Variants in SLA observed in about 807,000 individuals in gnomAD.
SLA encodes src-like-adapter.
A neutral mutation model predicts 30.3 loss-of-function variants in SLA; 16 were observed. That is an observed-to-expected ratio of 0.53 (90% confidence interval 0.36 to 0.80). The LOEUF (loss-of-function observed/expected upper bound fraction) is 0.80. Among genes scored for constraint, SLA ranks in the 30% least tolerant of loss-of-function variants. The probability of loss-of-function intolerance (pLI) is 0.01; values close to 1 mark genes in which losing one functional copy is unlikely to be tolerated. For missense variants in SLA, 310 were observed against 345.2 expected (o/e 0.90, Z 0.81); for synonymous variants, 143 against 137.8 (o/e 1.04, Z -0.26).
At position 133,049,913 on chromosome 8, in the gene SLA, T is replaced by C; in HGVS notation, c.237A>G (p.Arg79=). 6.2e-7 allele frequency: 1 copy of C among 1,609,422 alleles called. No homozygotes were observed. The highest frequency in any genetic ancestry group is 8.5e-7 in the Non-Finnish European group (1 of 1,175,666). Reference sequence around the variant, plus strand: ...AGAAATGTACTCACCCATGGTAAACTCTGGCCACACATATTCCAGGGATGT... The same window carrying C: ...AGAAATGTACTCACCCATGGTAAACCCTGGCCACACATATTCCAGGGATGT... ...ESYIPGICVA[R]VYHGWLFEGL... The change falls in exon 5 of 9, where the codon AGA becomes AGG. Residue 79 remains arginine, a synonymous_variant. Transcript: ENST00000338087.
At chr8:133,090,378 C>T (rs1283107402) in intron 1 of SLA, among the ~76,000 whole-genome samples, 1 of 152,140 alleles carries the variant, frequency 6.6e-6, no homozygotes. Context: ...ATAGTCCTTC[C>T]TACCTGATTT....
chr8:133,075,147 G>T lies in SLA; in HGVS notation c.-318-17C>A. 2.0e-6 allele frequency: 2 copies of T among 984,812 alleles called. No homozygotes were observed. The highest frequency in any genetic ancestry group is 2.4e-6 in the Non-Finnish European group (2 of 829,356). The allele number at this position is 984,812 out of a possible 1,614,324, so 61.0% of individuals were successfully genotyped here. A position where few individuals can be genotyped will look rare whatever the true frequency, so the allele number is the denominator to read the frequency against. Reference sequence around the variant, plus strand: ...CTGCAAGGACTGGGAAGATAGATGGGTTATTAATTTTTTTACAAAGCATTT... The same window carrying T: ...CTGCAAGGACTGGGAAGATAGATGGTTTATTAATTTTTTTACAAAGCATTT... On this transcript the variant is annotated splice_polypyrimidine_tract_variant and intron_variant, in intron 1 of 8. Transcript: ENST00000338087.
Position 133,071,288 on chromosome 8 carries a change from A to C in SLA, c.-41+3565T>G, listed in dbSNP as rs374136794. ...GTCTAACCGGGGAAACCAAGGCCAG[A>C]GCATTCACATAATGTGTCGGAGTTT... On this transcript the variant is annotated intron_variant, in intron 2 of 8. Coordinates refer to ENST00000338087, the MANE Select transcript of SLA (RefSeq NM_001045556.3). 6.6e-5 allele frequency among the ~76,000 whole-genome samples: 10 copies of C among 152,328 alleles called. No homozygotes were observed. In the South Asian group the frequency reaches 1.2e-3, roughly 19 times the overall value.
chr8:133,096,496 A>T (rs1266207646), intron 1 of SLA: 2 of 1,223,774 alleles, frequency 1.6e-6, no homozygotes, highest in Admixed American at 1.9e-5. Flanking sequence ...TGCAATGCCT[A>T]TGTGAGTTTA....
In SLA at chr8:133,050,927, A is replaced by G; in HGVS notation, c.62-12T>C. ...GTCGCTATCCAGTCCTGGGGAAACA[A>G]AGGCAAGGGGGAAGGGGGCAAGGTG... is the stretch of plus-strand genomic sequence containing the variant. On this transcript the variant is annotated splice_polypyrimidine_tract_variant and intron_variant, in intron 3 of 8. Transcript: ENST00000338087. 1 of 1,564,572 alleles carries G rather than the reference A, an allele frequency of 6.4e-7. No individual in the cohort carries two copies. The highest frequency in any genetic ancestry group is 8.8e-7 in the Non-Finnish European group (1 of 1,134,970).
intron 1 of SLA, among the ~76,000 whole-genome samples, chr8:133,075,558 G>A (rs1263537451): frequency 6.6e-6 from 1 of 152,214 alleles, no homozygotes; most frequent in Non-Finnish European, 1.5e-5. Context: ...GGTAATAATA[G>A]TGTGGTTATG....
At position 133,061,838 on chromosome 8, in the gene SLA, C is replaced by T. The variant is rs143018932; in HGVS notation, c.-40-1638G>A. Among the ~76,000 whole-genome samples the T allele has an allele frequency of 1.5e-3, 230 of 152,248 alleles. 1 individual carries two copies. Among genetic ancestry groups the T allele is most frequent in the African/African-American group, 5.2e-3 (214 of 41,524 alleles). ...TACACTCTCAGAGCAAGGCCCTCCCCGGGTTGAGGGAGGTCTGCACTGCTC... is the reference window on the plus strand; with the variant it reads ...TACACTCTCAGAGCAAGGCCCTCCCTGGGTTGAGGGAGGTCTGCACTGCTC... On this transcript the variant is annotated intron_variant, in intron 2 of 8. Coordinates refer to ENST00000338087, the MANE Select transcript of SLA (RefSeq NM_001045556.3).
At chr8:133,101,472 G>A (rs575449268) in intron 1 of SLA, among the ~76,000 whole-genome samples, 3 of 152,294 alleles carry the variant, frequency 2.0e-5, no homozygotes, top group East Asian at 1.9e-4. Context: ...GGCAGGTTCT[G>A]GAGGGCCTCA....
chr8:133,060,003 C>T, intron 3 of SLA, 97 bp downstream of exon 3: 1 of 1,257,782 alleles, frequency 8.0e-7, no homozygotes, highest in Non-Finnish European at 1.1e-6. Flanking sequence ...TACCCATTGC[C>T]CCATTTAAGT....
intron 1 of SLA, among the ~76,000 whole-genome samples, chr8:133,088,486 C>A (rs1227229873): frequency 6.6e-6 from 1 of 152,216 alleles, no homozygotes; most frequent in East Asian, 1.9e-4. Flanking sequence ...CCTACCCACT[C>A]CAAGCCTCAG....
chr8:133,075,407 GGAGACTAAAGA>G (rs1226208641), intron 1 of SLA, among the ~76,000 whole-genome samples: 8 of 152,040 alleles, frequency 5.3e-5, no homozygotes, highest in Admixed American at 5.2e-4. Flanking sequence ...TGAGATTAAA[GGAGACTAAAGA>G]GACACAATGA....
intron 1 of SLA, chr8:133,087,832 C>G (rs1429598689): frequency 6.6e-6 from 1 of 152,110 alleles, no homozygotes; most frequent in African/African-American, 2.4e-5. Context: ...GTCACGTGAC[C>G]TCCTCCAGCT....
At chr8:133,055,673 T>C (rs1451681623) in intron 3 of SLA, among the ~76,000 whole-genome samples, 1 of 152,206 alleles carries the variant, frequency 6.6e-6, no homozygotes, top group Non-Finnish European at 1.5e-5. Flanking sequence ...TAGAGGGATA[T>C]AGGCAGGGCT....
At chr8:133,085,806 T>A (rs755200734) in intron 1 of SLA, among the ~76,000 whole-genome samples, 10 of 152,210 alleles carry the variant, frequency 6.6e-5, no homozygotes, top group Non-Finnish European at 1.3e-4. Context: ...GACAAACAGT[T>A]TGGCAACTTC....
chr8:133,038,272 C>T lies in SLA; in HGVS notation c.*252G>A, dbSNP rs909119140. 3.8e-6 allele frequency: 2 copies of T among 533,264 alleles called. No individual in the cohort carries two copies. Among genetic ancestry groups the T allele is most frequent in the Non-Finnish European group, 6.8e-6 (2 of 295,560 alleles). 33.0% of individuals were successfully genotyped at this position (533,264 alleles called of 1,614,324 possible). ...TGTGTGCATACATACATGCTGGGCT[C>T]TTCCAAGCATCGCCCGACATGTCAT... On this transcript the variant is annotated 3_prime_UTR_variant, in exon 9 of 9. Transcript: ENST00000338087.
intron 5 of SLA, chr8:133,049,522 A>C (rs1840035056): frequency 6.9e-6 from 2 of 291,708 alleles, no homozygotes; most frequent in Non-Finnish European, 1.4e-5. Flanking sequence ...ATGCATAAAA[A>C]GCTTGTTCAC....
chr8:133,050,021 A>G (rs2687836), intron 4 of SLA, 33 bp from the exon 5 acceptor site: 238,913 of 1,396,346 alleles, frequency 0.17, 27,678 homozygotes, highest in East Asian at 0.55. Flanking sequence ...GAACACAGAG[A>G]TAGGTAAATA....
At chr8:133,101,693 C>T (rs1318149211) in intron 1 of SLA, among the ~76,000 whole-genome samples, 2 of 152,202 alleles carry the variant, frequency 1.3e-5, no homozygotes, top group Non-Finnish European at 2.9e-5. Flanking sequence ...AATTGAATTC[C>T]TCCCCTCAGA....
At chr8:133,076,637 C>CT (rs1844907800) in intron 1 of SLA, 1 of 151,642 alleles carries the variant, frequency 6.6e-6, no homozygotes, top group Non-Finnish European at 1.5e-5. Flanking sequence ...TTTGTGATGA[C>CT]TTTTTAATAG....
Sources: allele counts gnomAD v4.1 joint callset (sites outside exome capture counted in the v4.1 genomes callset), GRCh38; gene constraint gnomAD v4.1.1; transcripts MANE v1.5; gene names NCBI Gene and HGNC (gene_info 2026-07-23, HGNC 2026-07-21).